The following ZNF569 variants were observed in gnomAD, a reference collection of about 807,000 sequenced individuals.
ZNF569 encodes the protein DNA-binding protein.
ZNF569 carries 38 observed loss-of-function variants against 56.3 expected under a neutral mutation model. The observed-to-expected ratio is 0.68, with a 90% CI of 0.52 to 0.88. ZNF569 has a LOEUF of 0.88. Ranked by LOEUF, ZNF569 falls within the 40% of genes least tolerant of loss-of-function variation. The pLI is 0.00. For synonymous variants in ZNF569, 241 were observed against 262.9 expected, an observed-to-expected ratio of 0.92 and a Z score of 0.81; for missense variants, 666 against 809.2, an observed-to-expected ratio of 0.82 and a Z score of 2.15.
chr19:37,432,791 G>T, intron 3 of ZNF569, among the ~76,000 whole-genome samples: 1 of 150,994 alleles, frequency 6.6e-6, no homozygotes, highest in East Asian at 1.9e-4. Flanking sequence ...CACAGAGAAA[G>T]AATTTAGAAT....
At chr19:37,416,625 T>C (rs1022641024) in intron 5 of ZNF569, among the ~76,000 whole-genome samples, 1 of 152,346 alleles carries the variant, frequency 6.6e-6, no homozygotes, top group East Asian at 1.9e-4. Context: ...ATCATTGTTA[T>C]ACTATAATTT....
At chr19:37,427,769 C>T (rs772800866) in intron 3 of ZNF569, 19 of 513,228 alleles carry the variant, frequency 3.7e-5, no homozygotes, top group Non-Finnish European at 6.6e-5. Context: ...CCCTGAAATC[C>T]AGGGGTTTTT....
chr19:37,459,297 GAA>G (rs2011282146), intron 2 of ZNF569, among the ~76,000 whole-genome samples: 1 of 150,444 alleles, frequency 6.6e-6, no homozygotes, highest in African/African-American at 2.4e-5. Flanking sequence ...AAAAAACAAA[GAA>G]AAGATAGTCA....
At chr19:37,458,583 C>T (rs1450198565) in intron 2 of ZNF569, among the ~76,000 whole-genome samples, 1 of 152,052 alleles carries the variant, frequency 6.6e-6, no homozygotes, top group African/African-American at 2.4e-5. Flanking sequence ...ATCTCATGAG[C>T]TTAACCATCT....
intron 3 of ZNF569, among the ~76,000 whole-genome samples, chr19:37,438,207 G>A (rs1208518381): frequency 1.3e-5 from 2 of 152,028 alleles, no homozygotes; most frequent in African/African-American, 4.8e-5. Flanking sequence ...TTGAGTCCTG[G>A]GCAACATAGT....
Position 37,414,194 on chromosome 19 carries a change from T to C in ZNF569, c.464A>G (p.Asn155Ser). The change falls in exon 6 of 6, where the codon AAT becomes AGT. Residue 155 changes from asparagine to serine, a missense_variant. Coordinates refer to ENST00000316950, the MANE Select transcript of ZNF569 (RefSeq NM_152484.3). ...CLEHNFDCHN[N>S]VKCLMRKEHC... ...CTCCTTTCTCATAAGGCATTTCACA[T>C]TATTATGACAGTCAAAATTATGTTC... The C allele has an allele frequency of 6.2e-7, 1 of 1,613,174 alleles. No homozygotes were observed. The highest frequency in any genetic ancestry group is 2.2e-5 in the East Asian group (1 of 44,822).
At chr19:37,415,572 A>C (rs2040914436) in intron 5 of ZNF569, among the ~76,000 whole-genome samples, 1 of 152,070 alleles carries the variant, frequency 6.6e-6, no homozygotes, top group African/African-American at 2.4e-5. Flanking sequence ...AATAAATCAG[A>C]GGTATGAAAA....
chr19:37,452,374 T>C (rs2041608904), intron 2 of ZNF569, among the ~76,000 whole-genome samples: 2 of 152,216 alleles, frequency 1.3e-5, no homozygotes, highest in Non-Finnish European at 1.5e-5. Context: ...TATTTACATA[T>C]ATATTTACCT....
At chr19:37,465,156 CTTCCTTCATATCT>C (rs2041811109) in intron 2 of ZNF569, among the ~76,000 whole-genome samples, 144 bp downstream of exon 2, 2 of 152,344 alleles carry the variant, frequency 1.3e-5, no homozygotes, top group South Asian at 2.1e-4. Context: ...AGCTCCTTTA[CTTCCTTCATATCT>C]TTATTACTAC....
chr19:37,446,566 A>AG (rs1269808195), intron 2 of ZNF569, among the ~76,000 whole-genome samples: 14 of 148,736 alleles, frequency 9.4e-5, no homozygotes, highest in Non-Finnish European at 1.5e-4. Context: ...AAAAAAAAAA[A>AG]AAAGAATGAA....
In ZNF569 at chr19:37,413,773, C is replaced by T; in HGVS notation, c.885G>A (p.Glu295=). 1.9e-6 allele frequency: 3 copies of T among 1,613,606 alleles called. No homozygotes were observed. The highest frequency in any genetic ancestry group is 2.5e-6 in the Non-Finnish European group (3 of 1,179,908). The change falls in exon 6 of 6, where the codon GAG becomes GAA. Residue 295 remains glutamate (E), a synonymous_variant. Transcript: ENST00000316950. ...LIDHEKIHTG[E]KPYECNECGK... is the part of the protein sequence containing the mutation. ...CACACTCATTACATTCATAAGGTTT[C>T]TCTCCAGTATGAATTTTTTCATGAT...
At chr19:37,428,532 A>C in intron 3 of ZNF569, among the ~76,000 whole-genome samples, 1 of 150,596 alleles carries the variant, frequency 6.6e-6, no homozygotes, top group Admixed American at 6.6e-5. Flanking sequence ...CTTAAAAAAA[A>C]AAAAAAAAAA....
intron 2 of ZNF569, among the ~76,000 whole-genome samples, chr19:37,464,568 T>C (rs2041803400): frequency 6.6e-6 from 1 of 152,198 alleles, no homozygotes; most frequent in African/African-American, 2.4e-5. Context: ...TGTGTTACAG[T>C]TGCCTATGGT....
intron 2 of ZNF569, among the ~76,000 whole-genome samples, chr19:37,464,712 T>C (rs958129762): frequency 2.0e-5 from 3 of 152,074 alleles, no homozygotes; most frequent in African/African-American, 7.2e-5. Flanking sequence ...AAGGACAAAA[T>C]TGTCTAACCA....
chr19:37,418,101 A>AAATAATAATAATAATAAT lies in ZNF569; in HGVS notation c.239-3700_239-3683dup, dbSNP rs199794961. Among the ~76,000 whole-genome samples, 490 of 143,286 alleles carry AAATAATAATAATAATAAT rather than the reference A, an allele frequency of 3.4e-3. 7 individuals are homozygous for AAATAATAATAATAATAAT. Among genetic ancestry groups the AAATAATAATAATAATAAT allele is most frequent in the Admixed American group, 0.024 (338 of 14,262 alleles). 94.0% of individuals were successfully genotyped at this position (143,286 alleles called of 152,430 possible). Reference sequence around the variant, plus strand: ...GGGTAACAGAGTGAGACTCCATCTCAAATAATAATAATAATAATAATAATA... The same window carrying AAATAATAATAATAATAAT: ...GGGTAACAGAGTGAGACTCCATCTCAAATAATAATAATAATAATAATAATAATAATAATAATAATAATA... On this transcript the variant is annotated intron_variant, in intron 5 of 5. Coordinates refer to ENST00000316950, the MANE Select transcript of ZNF569 (RefSeq NM_152484.3).
At chr19:37,448,114 C>CT (rs1210405419) in intron 2 of ZNF569, among the ~76,000 whole-genome samples, 1 of 152,108 alleles carries the variant, frequency 6.6e-6, no homozygotes, top group East Asian at 1.9e-4. Context: ...AAAAGTCTTC[C>CT]TCCTCTTCTA....
chr19:37,434,382 C>A lies in ZNF569; in HGVS notation c.16-8004G>T, dbSNP rs974872982. Among the ~76,000 whole-genome samples the A allele has an allele frequency of 2.0e-5, 3 of 151,188 alleles. No individual in the cohort carries two copies. The South Asian group carries it at 6.3e-4, about 32-fold the overall frequency. On this transcript the variant is annotated intron_variant, in intron 3 of 5. Transcript: ENST00000316950. Reference sequence around the variant, plus strand: ...TAAAACAATGTTTCAAGACACAGTACAATAAAATATAAATAAAAACAGCAG... The same window carrying A: ...TAAAACAATGTTTCAAGACACAGTAAAATAAAATATAAATAAAAACAGCAG...
At chr19:37,416,206 G>C (rs1218879840) in intron 5 of ZNF569, among the ~76,000 whole-genome samples, 1 of 151,382 alleles carries the variant, frequency 6.6e-6, no homozygotes, top group African/African-American at 2.4e-5. Context: ...TCTCTAGCCT[G>C]GGGGAAAGAT....
chr19:37,439,349 G>A (rs150164600), intron 3 of ZNF569, among the ~76,000 whole-genome samples: 17 of 152,280 alleles, frequency 1.1e-4, no homozygotes, highest in Non-Finnish European at 2.1e-4. Flanking sequence ...GGGATTACAG[G>A]CATGAGTCAC....
Sources: allele counts gnomAD v4.1 joint callset (sites outside exome capture counted in the v4.1 genomes callset), GRCh38; gene constraint gnomAD v4.1.1; transcripts MANE v1.5; gene names NCBI Gene and HGNC (gene_info 2026-07-23, HGNC 2026-07-21).